MYO3A: variants seen among roughly 807,000 people sequenced by gnomAD.
MYO3A encodes the protein myosin-IIIa.
Under a neutral mutation model 192.7 loss-of-function variants are expected in MYO3A, and 180 were observed. That is an observed-to-expected ratio of 0.93 (90% confidence interval 0.83 to 1.06). The LOEUF (loss-of-function observed/expected upper bound fraction) is 1.06, where lower values mean the gene tolerates loss of function less well. Ranked by LOEUF, MYO3A falls within the 50% of genes least tolerant of loss-of-function variation. MYO3A has a pLI of 0.00. For synonymous variants in MYO3A, 628 were observed against 645.3 expected, an observed-to-expected ratio of 0.97 and a Z score of 0.41; for missense variants, 1,896 against 1,905.0, an observed-to-expected ratio of 1.00 and a Z score of 0.09.
chr10:26,174,368 G>A lies in MYO3A; in HGVS notation c.4104G>A (p.Lys1368=), dbSNP rs1302979796. The stretch of plus-strand genomic sequence containing the variant: ...ACAAGAGAAGGCAGCAGTTGAGGAA[G>A]GACAAGATGTCTTCTTTTAAGCATC... The part of the protein sequence containing the change: ...RGYKRRQQLR[K]DKMSSFKHQR... The change falls in exon 30 of 35, where the codon AAG becomes AAA. Residue 1368 remains lysine, a synonymous_variant. Transcript: ENST00000642920. 2 of 1,613,988 alleles carry A rather than the reference G, an allele frequency of 1.2e-6. No individual in the cohort carries two copies. Among genetic ancestry groups the A allele is most frequent in the Non-Finnish European group, 1.7e-6 (2 of 1,180,036 alleles).
In MYO3A at chr10:26,070,096, C is replaced by A. The variant is rs1362634777; in HGVS notation, c.1171-15C>A. 2 of 1,570,316 alleles carry A rather than the reference C, an allele frequency of 1.3e-6. No individual in the cohort carries two copies. The highest frequency in any genetic ancestry group is 1.7e-5 in the Admixed American group (1 of 59,364). On this transcript the variant is annotated splice_polypyrimidine_tract_variant and intron_variant, in intron 12 of 34. Coordinates refer to ENST00000642920, the MANE Select transcript of MYO3A (RefSeq NM_017433.5). ...AACAAAAAGCCCTACAAAATGTATT[C>A]TTTTTAACCTTTAGCATTCCAAACT...
intron 23 of MYO3A, among the ~76,000 whole-genome samples, chr10:26,148,765 T>C (rs1840620250): frequency 6.6e-6 from 1 of 152,234 alleles, no homozygotes; most frequent in South Asian, 2.1e-4. Context: ...TAAATGGTAA[T>C]TTTTAACTGA....
intron 2 of MYO3A, among the ~76,000 whole-genome samples, chr10:25,951,476 G>C (rs969750981): frequency 3.3e-5 from 5 of 152,136 alleles, no homozygotes; most frequent in Non-Finnish European, 5.9e-5. Flanking sequence ...ACAGGCAGAG[G>C]GGGTCAGGAA....
intron 6 of MYO3A, among the ~76,000 whole-genome samples, chr10:26,001,680 G>A (rs1588744834): frequency 6.6e-6 from 1 of 152,092 alleles, no homozygotes; most frequent in East Asian, 1.9e-4. Flanking sequence ...CCTGACACAA[G>A]GTCTTAAAAG....
At chr10:26,122,125 A>T (rs1037654161) in intron 18 of MYO3A, among the ~76,000 whole-genome samples, 2 of 152,228 alleles carry the variant, frequency 1.3e-5, no homozygotes, top group Non-Finnish European at 2.9e-5. Context: ...CTCACATCTG[A>T]TCATATTCAG....
intron 6 of MYO3A, among the ~76,000 whole-genome samples, chr10:26,004,770 T>C (rs529282324): frequency 6.6e-6 from 1 of 152,280 alleles, no homozygotes; most frequent in East Asian, 1.9e-4. Context: ...ACCAAAATAC[T>C]AATATTGCTG....
At chr10:26,117,635 C>G (rs575291927) in intron 17 of MYO3A, among the ~76,000 whole-genome samples, 5 of 152,206 alleles carry the variant, frequency 3.3e-5, no homozygotes, top group Admixed American at 6.5e-5. Flanking sequence ...AGGATAATGG[C>G]CTCCAGTCCA....
chr10:26,036,382 A>G (rs1843040135), intron 10 of MYO3A, among the ~76,000 whole-genome samples: 1 of 152,148 alleles, frequency 6.6e-6, no homozygotes, highest in South Asian at 2.1e-4. Flanking sequence ...TGGGTGTTGA[A>G]ATCATCAACA....
intron 32 of MYO3A, among the ~76,000 whole-genome samples, chr10:26,198,604 A>G (rs1187455623): frequency 6.6e-6 from 1 of 152,238 alleles, no homozygotes; most frequent in Non-Finnish European, 1.5e-5. Context: ...CCAAAAGGAA[A>G]GTAAGATTGT....
Position 26,125,627 on chromosome 10 carries a change from A to T in MYO3A, c.2114+19A>T. 6.2e-7 allele frequency: 1 copy of T among 1,604,708 alleles called. No homozygotes were observed. The highest frequency in any genetic ancestry group is 1.1e-5 in the South Asian group (1 of 90,806). On this transcript the variant is annotated intron_variant, in intron 19 of 34. Transcript: ENST00000642920. ...CACCAAGGTAAAAATTTTTACAGAA[A>T]CATTTTTTTCCCAAATGTCAGGTGA...
At chr10:25,992,684 CA>C (rs1840125289) in intron 4 of MYO3A, among the ~76,000 whole-genome samples, 1 of 152,148 alleles carries the variant, frequency 6.6e-6, no homozygotes, top group Admixed American at 6.5e-5. Context: ...TATGTCCCAT[CA>C]ATACCTAATT....
At chr10:26,130,858 A>T (rs1371372097) in intron 20 of MYO3A, among the ~76,000 whole-genome samples, 2 of 152,368 alleles carry the variant, frequency 1.3e-5, no homozygotes, top group Admixed American at 1.3e-4. Flanking sequence ...AACTAATTGT[A>T]TGTAGCTATC....
At chr10:26,165,927 T>G (rs370862456) in intron 26 of MYO3A, 140 bp from the exon 27 acceptor site, 1 of 785,964 alleles carries the variant, frequency 1.3e-6, no homozygotes. Context: ...GAAGTTGTTC[T>G]GAGGATGCCT....
At chr10:26,075,374 C>T (rs1835465887) in intron 14 of MYO3A, among the ~76,000 whole-genome samples, 1 of 151,380 alleles carries the variant, frequency 6.6e-6, no homozygotes, top group African/African-American at 2.4e-5. Flanking sequence ...GTGCACCCAT[C>T]ACCCAAGCAG....
chr10:26,145,102 C>A (rs1840376066), intron 21 of MYO3A, among the ~76,000 whole-genome samples: 1 of 151,530 alleles, frequency 6.6e-6, no homozygotes, highest in African/African-American at 2.4e-5. Flanking sequence ...TCACTTGAAT[C>A]CAGGAGGTGG....
At chr10:26,089,833 A>G (rs1047676808) in intron 15 of MYO3A, among the ~76,000 whole-genome samples, 2 of 152,200 alleles carry the variant, frequency 1.3e-5, no homozygotes, top group African/African-American at 4.8e-5. Context: ...AATTAAGACA[A>G]GGTACCTACA....
chr10:26,023,744 C>T (rs1264053254), intron 8 of MYO3A, among the ~76,000 whole-genome samples: 1 of 151,976 alleles, frequency 6.6e-6, no homozygotes. Context: ...GATGTTTCCC[C>T]CTAGAGCTAA....
intron 17 of MYO3A, among the ~76,000 whole-genome samples, chr10:26,099,673 T>C (rs1837305594): frequency 6.6e-6 from 1 of 152,170 alleles, no homozygotes; most frequent in Admixed American, 6.5e-5. Flanking sequence ...GATAATCATG[T>C]GGTTTTTGTC....
chr10:26,056,072 TATG>T (rs1162913405), intron 10 of MYO3A, among the ~76,000 whole-genome samples: 4 of 152,194 alleles, frequency 2.6e-5, no homozygotes, highest in Admixed American at 1.3e-4. Flanking sequence ...CCACAGTTAA[TATG>T]ATAAAGGCTC....
Sources: allele counts gnomAD v4.1 joint callset (sites outside exome capture counted in the v4.1 genomes callset), GRCh38; gene constraint gnomAD v4.1.1; transcripts MANE v1.5; gene names NCBI Gene and HGNC (gene_info 2026-07-23, HGNC 2026-07-21).